TF: variants seen among roughly 807,000 people sequenced by gnomAD.
The protein encoded by TF is serotransferrin.
Under a neutral mutation model 82.4 loss-of-function variants are expected in TF, and 55 were observed. The ratio of observed to expected loss-of-function variants is 0.67; its 90% CI spans 0.54 to 0.84. TF has a LOEUF of 0.84. Ranked by LOEUF, TF falls within the 40% of genes least tolerant of loss-of-function variation. The pLI is 0.00. For synonymous variants in TF, 332 were observed against 332.6 expected (o/e 1.00, Z 0.02); for missense variants, 737 against 868.4 (o/e 0.85, Z 1.90).
At chr3:133,680,770 T>C in the TF span, among the ~76,000 whole-genome samples, 1 of 152,238 alleles carries the variant, frequency 6.6e-6, no homozygotes, top group Admixed American at 6.5e-5. Context: ...TCTTCTGTAC[T>C]ATTTCTTTTA....
At chr3:133,745,922 C>A (rs549358110), upstream of TF, 20 of 178,798 alleles carry the variant, frequency 1.1e-4, 1 homozygote, top group South Asian at 2.7e-3. Flanking sequence ...TGACCTTGAG[C>A]CCAGCTTGTT....
the TF span, among the ~76,000 whole-genome samples, chr3:133,668,270 G>A: frequency 6.6e-6 from 1 of 152,168 alleles, no homozygotes; most frequent in Non-Finnish European, 1.5e-5. Context: ...CAAGTAGGTG[G>A]AAAGTCATAC....
the TF span, among the ~76,000 whole-genome samples, chr3:133,731,560 C>T: frequency 1.3e-5 from 2 of 152,196 alleles, no homozygotes; most frequent in Non-Finnish European, 2.9e-5. Context: ...ATAAAGCAGT[C>T]ACACAGAATA....
chr3:133,710,683 C>A, the TF span, among the ~76,000 whole-genome samples: 1 of 152,222 alleles, frequency 6.6e-6, no homozygotes, highest in East Asian at 1.9e-4. Flanking sequence ...GGGTCACTCC[C>A]ATGTTCCCTT....
chr3:133,735,103 G>A, the TF span, among the ~76,000 whole-genome samples: 1 of 152,142 alleles, frequency 6.6e-6, no homozygotes, highest in Non-Finnish European at 1.5e-5. Flanking sequence ...AGCACTTTGG[G>A]ATGCTGAGGC....
the TF span, among the ~76,000 whole-genome samples, chr3:133,730,649 T>C: frequency 6.7e-6 from 1 of 150,182 alleles, no homozygotes; most frequent in Non-Finnish European, 1.5e-5. Flanking sequence ...CCAGAGCAAA[T>C]AATTAATGTT....
the TF span, among the ~76,000 whole-genome samples, chr3:133,679,675 A>G: frequency 2.1e-5 from 3 of 141,546 alleles, no homozygotes; most frequent in Non-Finnish European, 4.5e-5. Context: ...GTAGTACTCT[A>G]TTGAATGGCT....
At chr3:133,699,507 A>C in the TF span, 1 of 1,124,806 alleles carries the variant, frequency 8.9e-7, no homozygotes, top group Admixed American at 1.9e-5. Context: ...CAACACCCAG[A>C]AGCTGGTAGT....
At chr3:133,680,553 A>C in the TF span, among the ~76,000 whole-genome samples, 2 of 148,408 alleles carry the variant, frequency 1.3e-5, no homozygotes, top group African/African-American at 5.0e-5. Context: ...TTTTGACATA[A>C]GTACAGTGGT....
intron 9 of TF, 66 bp downstream of exon 9, chr3:133,759,395 A>G: frequency 6.3e-7 from 1 of 1,594,050 alleles, no homozygotes; most frequent in African/African-American, 1.3e-5. Flanking sequence ...CCCAAGACTG[A>G]GCTAGGGAGT....
the TF span, among the ~76,000 whole-genome samples, chr3:133,735,167 C>T: frequency 6.6e-6 from 1 of 151,862 alleles, no homozygotes; most frequent in Non-Finnish European, 1.5e-5. Flanking sequence ...ATGGTGAAAC[C>T]CCGTCTCTAC....
chr3:133,718,892 T>C, the TF span, among the ~76,000 whole-genome samples: 1 of 152,174 alleles, frequency 6.6e-6, no homozygotes, highest in Non-Finnish European at 1.5e-5. Context: ...ACTGGGATTC[T>C]ATGAAGGGGC....
chr3:133,665,508 A>T, the TF span, among the ~76,000 whole-genome samples: 1 of 151,214 alleles, frequency 6.6e-6, no homozygotes, highest in Non-Finnish European at 1.5e-5. Flanking sequence ...AAAAAAATGT[A>T]GTTGGGGTAG....
chr3:133,753,473 G>C lies in TF; in HGVS notation c.217-122G>C. On this transcript the variant is annotated intron_variant, in intron 2 of 16. Coordinates refer to ENST00000402696, the MANE Select transcript of TF (RefSeq NM_001063.4). The stretch of plus-strand genomic sequence containing the variant: ...ACTGAAGCCAGCAGGGCTGTGCGTG[G>C]TCTAGTCAAGTTCTGGCCCTGGGTC... 3.7e-6 allele frequency: 3 copies of C among 809,200 alleles called. No homozygotes were observed. In the South Asian group the frequency reaches 4.2e-5, roughly 11 times the overall value. 50.1% of individuals were successfully genotyped at this position (809,200 alleles called of 1,614,324 possible).
At chr3:133,776,974 CAG>C in intron 15 of TF, 73 bp from the exon 16 acceptor site, 2 of 1,392,572 alleles carry the variant, frequency 1.4e-6, no homozygotes, top group Non-Finnish European at 2.0e-6. Context: ...TCAGAGCTTT[CAG>C]ACTCTTCTCA....
chr3:133,757,452 C>T (rs1020022514), intron 7 of TF, among the ~76,000 whole-genome samples: 7 of 152,180 alleles, frequency 4.6e-5, no homozygotes, highest in African/African-American at 7.2e-5. Context: ...CTTGCCGAGC[C>T]GTCCCATCTG....
Position 133,790,699 on chromosome 3 carries a change from G to T in TF, c.*12079G>T, listed in dbSNP as rs953451004. On this transcript the variant is annotated 3_prime_UTR_variant, in exon 17 of 17. Coordinates refer to ENST00000402696, the MANE Select transcript of TF (RefSeq NM_001063.4). ...TATAGTTAAGCATGAAGCCGGATTTGGTGTGGAGCCAAATTTCACATACAT... is the reference window on the plus strand; with the variant it reads ...TATAGTTAAGCATGAAGCCGGATTTTGTGTGGAGCCAAATTTCACATACAT... The T allele has an allele frequency of 6.6e-6, 1 of 152,210 alleles. No individual in the cohort carries two copies. The highest frequency in any genetic ancestry group is 2.4e-5 in the African/African-American group (1 of 41,442). The allele number at this position is 152,210 out of a possible 1,614,324, so 9.4% of individuals were successfully genotyped here.
chr3:133,699,150 C>G, the TF span, among the ~76,000 whole-genome samples: 1 of 152,264 alleles, frequency 6.6e-6, no homozygotes, highest in Non-Finnish European at 1.5e-5. Context: ...CTTTGATGAG[C>G]TATGAGTGCA....
chr3:133,768,250 T>C (rs1180535033), intron 13 of TF, 86 bp downstream of exon 13: 21 of 1,543,608 alleles, frequency 1.4e-5, no homozygotes, highest in Non-Finnish European at 1.9e-5. Context: ...ATTCTTAGGT[T>C]CCTATTCCAT....
Sources: allele counts gnomAD v4.1 joint callset (sites outside exome capture counted in the v4.1 genomes callset), GRCh38; gene constraint gnomAD v4.1.1; transcripts MANE v1.5; gene names NCBI Gene and HGNC (gene_info 2026-07-23, HGNC 2026-07-21).